Variants in ANAPC1 observed in about 807,000 individuals in gnomAD.
ANAPC1 encodes anaphase-promoting complex subunit 1.
Under a neutral mutation model 208.0 loss-of-function variants are expected in ANAPC1, and 36 were observed. The ratio of observed to expected loss-of-function variants is 0.17; its 90% CI spans 0.13 to 0.23. The LOEUF (loss-of-function observed/expected upper bound fraction) is 0.23. ANAPC1 is among the 10% of genes least tolerant of loss of function. ANAPC1 has a pLI of 1.00. For synonymous variants in ANAPC1, 378 were observed against 695.2 expected (o/e 0.54, Z 7.18); for missense variants, 942 against 2,011.6 (o/e 0.47, Z 10.17).
intron 11 of ANAPC1, 34 bp downstream of exon 11, chr2:111,858,272 T>C (rs1681845685): frequency 3.2e-6 from 5 of 1,541,602 alleles, no homozygotes; most frequent in African/African-American, 1.4e-5. Context: ...GCTAAGTTAT[T>C]TATACAGAAA....
At chr2:111,854,793 G>A (rs941342286) in intron 13 of ANAPC1, among the ~76,000 whole-genome samples, 22 of 152,168 alleles carry the variant, frequency 1.4e-4, no homozygotes, top group African/African-American at 5.3e-4. Flanking sequence ...TCAGCATAAG[G>A]GAATGTTATG....
intron 13 of ANAPC1, among the ~76,000 whole-genome samples, chr2:111,853,971 C>T (rs1215671515): frequency 6.6e-6 from 1 of 152,154 alleles, no homozygotes; most frequent in Non-Finnish European, 1.5e-5. Flanking sequence ...CTGCCTCGGC[C>T]TCCCAAAGTG....
intron 20 of ANAPC1, among the ~76,000 whole-genome samples, chr2:111,832,937 C>CAAAAAGAAAAA (rs1680232755): frequency 1.9e-5 from 1 of 53,628 alleles, no homozygotes; most frequent in Non-Finnish European, 3.5e-5. Context: ...GACTCAGTCT[C>CAAAAAGAAAAA]AAAAAAAAAA....
chr2:111,768,058 C>T lies in ANAPC1; in HGVS notation c.*1233G>A, dbSNP rs1676528248. 1 of 152,124 alleles carries T rather than the reference C, an allele frequency of 6.6e-6. No individual in the cohort carries two copies. Among genetic ancestry groups the T allele is most frequent in the African/African-American group, 2.4e-5 (1 of 41,398 alleles). 9.4% of individuals were successfully genotyped at this position (152,124 alleles called of 1,614,324 possible). On this transcript the variant is annotated 3_prime_UTR_variant, in exon 48 of 48. Coordinates refer to ENST00000341068, the MANE Select transcript of ANAPC1 (RefSeq NM_022662.4). ...ATTTTTAAAGTCAAACACCACAGTTCAGGATGTGGAAGAAATATGAAGTCA... is the reference window on the plus strand; with the variant it reads ...ATTTTTAAAGTCAAACACCACAGTTTAGGATGTGGAAGAAATATGAAGTCA...
chr2:111,790,887 A>C (rs1455331542), intron 38 of ANAPC1, among the ~76,000 whole-genome samples: 1 of 152,214 alleles, frequency 6.6e-6, no homozygotes, highest in African/African-American at 2.4e-5. Flanking sequence ...CAAAACAGAA[A>C]GTAGAATGGT....
At chr2:111,839,743 T>C (rs1325382799) in intron 17 of ANAPC1, among the ~76,000 whole-genome samples, 1 of 152,130 alleles carries the variant, frequency 6.6e-6, no homozygotes, top group Non-Finnish European at 1.5e-5. Flanking sequence ...TCAACCAAAA[T>C]GTAACACACA....
chr2:111,865,836 G>T, intron 7 of ANAPC1: 1 of 187,902 alleles, frequency 5.3e-6, no homozygotes, highest in Non-Finnish European at 1.1e-5. Flanking sequence ...ATGCCAAAAA[G>T]GGGCACAGCC....
At chr2:111,871,125 T>A (rs1200940680) in intron 6 of ANAPC1, among the ~76,000 whole-genome samples, 1 of 152,206 alleles carries the variant, frequency 6.6e-6, no homozygotes, top group Non-Finnish European at 1.5e-5. Flanking sequence ...GATGGCTACA[T>A]ACTTGTTCTT....
At chr2:111,813,676 C>T (rs1431666751) in intron 28 of ANAPC1, among the ~76,000 whole-genome samples, 1 of 151,908 alleles carries the variant, frequency 6.6e-6, no homozygotes, top group Non-Finnish European at 1.5e-5. Flanking sequence ...CAGAAAGAAA[C>T]CCAACAGGGA....
At chr2:111,837,882 C>G (rs1157695479) in intron 18 of ANAPC1, among the ~76,000 whole-genome samples, 1 of 151,884 alleles carries the variant, frequency 6.6e-6, no homozygotes, top group Non-Finnish European at 1.5e-5. Context: ...GTCAGGAGTT[C>G]GAGACCAGCC....
rs541156377 is a variant in ANAPC1 at position 111,864,863 on chromosome 2, A to C, written c.774T>G (p.Thr258=). The change falls in exon 8 of 48, where the codon ACT becomes ACG. Residue 258 remains threonine, a synonymous_variant. Transcript: ENST00000341068. ...FLNTDPSIVM[T]YDAVQNVHSV... ...AATGCACATTTTGAACAGCATCATA[A>C]GTCATTACAATAGAGGGGTCAGTAT... 7.2e-5 allele frequency: 116 copies of C among 1,611,766 alleles called. No homozygotes were observed. In the South Asian group the frequency reaches 1.2e-3, roughly 17 times the overall value.
At chr2:111,858,767 G>GAAAAA (rs59260533) in intron 10 of ANAPC1, among the ~76,000 whole-genome samples, 1 of 122,824 alleles carries the variant, frequency 8.1e-6, no homozygotes. Context: ...GTCTCAAAAA[G>GAAAAA]AAAAAAAAAA....
chr2:111,863,644 C>G (rs770047687), intron 9 of ANAPC1, 31 bp downstream of exon 9: 246 of 1,588,558 alleles, frequency 1.5e-4, no homozygotes, highest in Non-Finnish European at 2.1e-4. Context: ...AAACAGAAAG[C>G]TTAGAAAGAA....
At chr2:111,841,960 G>A (rs1198570277) in intron 17 of ANAPC1, among the ~76,000 whole-genome samples, 2 of 152,176 alleles carry the variant, frequency 1.3e-5, no homozygotes, top group Non-Finnish European at 2.9e-5. Flanking sequence ...TTTAAATGAT[G>A]CTAGTAAGAA....
At chr2:111,840,492 G>A (rs1395577222) in intron 17 of ANAPC1, among the ~76,000 whole-genome samples, 2 of 152,076 alleles carry the variant, frequency 1.3e-5, no homozygotes, top group African/African-American at 2.4e-5. Context: ...GTCCTTCTCT[G>A]CAAAGGAAAA....
At chr2:111,842,535 C>T (rs1452232793) in intron 17 of ANAPC1, among the ~76,000 whole-genome samples, 17 of 150,638 alleles carry the variant, frequency 1.1e-4, no homozygotes, top group Middle Eastern at 3.4e-3. Flanking sequence ...CCTGGCTACT[C>T]GGGAGGCTGA....
At chr2:111,845,304 C>A (rs1680994457) in intron 16 of ANAPC1, among the ~76,000 whole-genome samples, 1 of 152,260 alleles carries the variant, frequency 6.6e-6, no homozygotes, top group African/African-American at 2.4e-5. Flanking sequence ...CACATATCCT[C>A]TCTTCCAGGA....
chr2:111,850,258 C>T (rs1047571094), intron 14 of ANAPC1, among the ~76,000 whole-genome samples: 13 of 148,816 alleles, frequency 8.7e-5, no homozygotes, highest in African/African-American at 2.5e-4. Context: ...AAAAATGTTC[C>T]ACATTATCTG....
chr2:111,821,308 G>T lies in ANAPC1; in HGVS notation c.3137C>A (p.Pro1046His). ...GTACTGCACTACGTTGACACGGACA[G>T]GATGCGCACTCTGAAGAAGCCTTCG... is the stretch of plus-strand genomic sequence containing the variant. ...DVRRLLQSAH[P>H]VRVNVVQYPE... Residue 1046 changes from proline (P) to histidine (H), a missense_variant, in exon 26 of 48, where the codon CCT (proline) becomes CAT (histidine). Transcript: ENST00000341068. 6.2e-7 allele frequency: 1 copy of T among 1,612,508 alleles called. No homozygotes were observed. The highest frequency in any genetic ancestry group is 1.7e-5 in the Admixed American group (1 of 60,004).
Sources: gnomAD v4.1 joint callset for allele counts (sites outside exome capture counted in the v4.1 genomes callset) on GRCh38, gnomAD v4.1.1 for gene constraint, MANE v1.5 for transcripts, NCBI Gene and HGNC (gene_info 2026-07-23, HGNC 2026-07-21) for gene names.